TLDC2: variants seen among roughly 807,000 people sequenced by gnomAD.
TLDC2 encodes TLD domain-containing protein 2.
Under a neutral mutation model 27.9 loss-of-function variants are expected in TLDC2, and 23 were observed. That is an observed-to-expected ratio of 0.82 (90% CI 0.59 to 1.17). The LOEUF (loss-of-function observed/expected upper bound fraction) is 1.17, where lower values mean the gene tolerates loss of function less well. Ranked by LOEUF, TLDC2 falls within the 50% of genes most tolerant of loss-of-function variation. The probability of loss-of-function intolerance (pLI) is 0.00; values close to 1 mark genes in which losing one functional copy is unlikely to be tolerated. For synonymous variants in TLDC2, 124 were observed against 107.4 expected, an observed-to-expected ratio of 1.16 and a Z score of -0.96; for missense variants, 286 against 273.4, an observed-to-expected ratio of 1.05 and a Z score of -0.32.
rs370382636 is a variant in TLDC2 at position 36,880,617 on chromosome 20, C to G, written c.343-38C>G. ...ATGAGGGTTGCCAGAGGACCCCTAG[C>G]TCCCTTCCAGCTGCAGACTACAACT... On this transcript the variant is annotated intron_variant, in intron 3 of 6. Transcript: ENST00000217320. 3.2e-6 allele frequency: 5 copies of G among 1,575,150 alleles called. No individual in the cohort carries two copies. In the African/African-American group the frequency reaches 6.7e-5, roughly 21 times the overall value.
At chr20:36,887,428 C>G in intron 4 of TLDC2, 27 bp from the exon 5 acceptor site, 2 of 1,603,362 alleles carry the variant, frequency 1.2e-6, no homozygotes, top group Non-Finnish European at 1.7e-6. Context: ...GCTTAGTAAC[C>G]TGAGCCTTTC....
chr20:36,889,678 C>T (rs189646854), intron 6 of TLDC2: 11 of 267,532 alleles, frequency 4.1e-5, no homozygotes, highest in Admixed American at 1.6e-4. Context: ...ATCTCTTCCC[C>T]GCTAGTGCCT....
At position 36,880,746 on chromosome 20, in the gene TLDC2, T is replaced by C; in HGVS notation, c.434T>C (p.Leu145Pro). The change falls in exon 4 of 7, where the codon CTG becomes CCG. Residue 145 changes from leucine to proline, a missense_variant. By Grantham distance (98) the Leu-to-Pro change is moderately conservative (BLOSUM62 -3). Coordinates refer to ENST00000217320, the MANE Select transcript of TLDC2 (RefSeq NM_080628.3). ...ETFLFSFSPQLKVFKWTGSNS... is the reference protein window; with the variant it reads ...ETFLFSFSPQPKVFKWTGSNS... ...TTCCTCTTCTCCTTCTCCCCACAGC[T>C]GAAGGTGATGTTCCCAACCTTCCAT... 1 of 1,613,946 alleles carries C rather than the reference T, an allele frequency of 6.2e-7. No homozygotes were observed. The highest frequency in any genetic ancestry group is 1.1e-5 in the South Asian group (1 of 91,084).
At chr20:36,877,405 A>G (rs1989696408) in intron 1 of TLDC2, among the ~76,000 whole-genome samples, 2 of 151,058 alleles carry the variant, frequency 1.3e-5, no homozygotes. Flanking sequence ...AAGGAAAAAG[A>G]AAAAAGAAGA....
intron 4 of TLDC2, among the ~76,000 whole-genome samples, chr20:36,882,992 C>G (rs1989846893): frequency 6.6e-6 from 1 of 152,190 alleles, no homozygotes; most frequent in Non-Finnish European, 1.5e-5. Flanking sequence ...CATCTCTTCT[C>G]TAGTGACCCT....
chr20:36,893,133 GAA>G lies in TLDC2; in HGVS notation c.*291_*292del. ...AGTTTCCATCATCTTATTTCTGAGT[GAA>G]AGTCTCAAGTGCGCACATCCTCATC... On this transcript the variant is annotated 3_prime_UTR_variant, in exon 7 of 7. Coordinates refer to ENST00000217320, the MANE Select transcript of TLDC2 (RefSeq NM_080628.3). The G allele has an allele frequency of 1.3e-6, 2 of 1,588,906 alleles. No individual in the cohort carries two copies. The highest frequency in any genetic ancestry group is 2.2e-5 in the South Asian group (2 of 90,658).
intron 4 of TLDC2, among the ~76,000 whole-genome samples, chr20:36,885,253 T>C (rs1324035050): frequency 6.6e-6 from 1 of 152,260 alleles, no homozygotes; most frequent in East Asian, 1.9e-4. Context: ...TTTTGTCTAT[T>C]GTATTCAGCA....
rs768742207 is a variant in TLDC2 at position 36,878,068 on chromosome 20, C to T, written c.189+14C>T. The T allele has an allele frequency of 6.2e-7, 1 of 1,605,490 alleles. No homozygotes were observed. Among genetic ancestry groups the T allele is most frequent in the South Asian group, 1.1e-5 (1 of 89,886 alleles). On this transcript the variant is annotated intron_variant, in intron 2 of 6. Coordinates refer to ENST00000217320, the MANE Select transcript of TLDC2 (RefSeq NM_080628.3). Reference sequence around the variant, plus strand: ...GAGATTCGGCAGGTCTGGGCATTGCCCATGGCACAAGAATTTCAGCCCTAA... The same window carrying T: ...GAGATTCGGCAGGTCTGGGCATTGCTCATGGCACAAGAATTTCAGCCCTAA...
Position 36,886,611 on chromosome 20 carries a change from T to A in TLDC2, c.439-844T>A, listed in dbSNP as rs185342746. 2.3e-3 allele frequency among the ~76,000 whole-genome samples: 353 copies of A among 151,706 alleles called. 2 individuals are homozygous for A. Among genetic ancestry groups the A allele is most frequent in the African/African-American group, 6.8e-3 (280 of 41,374 alleles). ...TGTCTCAAAAGAGAGAGAAAAAAAA[T>A]TTTTTTTAGAGATAGGGGAGGGTCT... On this transcript the variant is annotated intron_variant, in intron 4 of 6. Transcript: ENST00000217320.
At chr20:36,887,738 C>G (rs890171823) in intron 5 of TLDC2, among the ~76,000 whole-genome samples, 1 of 152,192 alleles carries the variant, frequency 6.6e-6, no homozygotes, top group African/African-American at 2.4e-5. Context: ...AGTGCCCCCA[C>G]TGAAGTGTTA....
Position 36,893,326 on chromosome 20 carries a change from C to A in TLDC2, c.*482C>A. 1 of 538,846 alleles carries A rather than the reference C, an allele frequency of 1.9e-6. No individual in the cohort carries two copies. The highest frequency in any genetic ancestry group is 3.3e-6 in the Non-Finnish European group (1 of 300,920). 33.4% of individuals were successfully genotyped at this position (538,846 alleles called of 1,614,324 possible). A position where few individuals can be genotyped will look rare whatever the true frequency, so the allele number is the denominator to read the frequency against. On this transcript the variant is annotated 3_prime_UTR_variant, in exon 7 of 7. Coordinates refer to ENST00000217320, the MANE Select transcript of TLDC2 (RefSeq NM_080628.3). The stretch of plus-strand genomic sequence containing the variant: ...TGACTGGGAGCAGCATACCACTGCC[C>A]ACCTCTATGGCCTCCTTCACACACC...
intron 6 of TLDC2, 56 bp from the exon 7 acceptor site, chr20:36,892,806 G>C: frequency 1.7e-6 from 2 of 1,199,814 alleles, no homozygotes; most frequent in Non-Finnish European, 2.5e-6. Context: ...CTTAGCTTCA[G>C]CATGCGTGTA....
At chr20:36,885,406 C>A (rs1989901123) in intron 4 of TLDC2, among the ~76,000 whole-genome samples, 1 of 152,192 alleles carries the variant, frequency 6.6e-6, no homozygotes, top group Admixed American at 6.5e-5. Flanking sequence ...TTGGTTAATT[C>A]TTGGCTATCT....
At chr20:36,886,610 A>T (rs552972580) in intron 4 of TLDC2, among the ~76,000 whole-genome samples, 13 of 151,738 alleles carry the variant, frequency 8.6e-5, no homozygotes, top group South Asian at 2.1e-4. Context: ...GAGAAAAAAA[A>T]TTTTTTTTAG....
Position 36,894,201 on chromosome 20 carries a change from A to C in TLDC2, c.*1357A>C. 1 of 365,572 alleles carries C rather than the reference A, an allele frequency of 2.7e-6. No homozygotes were observed. Among genetic ancestry groups the C allele is most frequent in the Non-Finnish European group, 4.8e-6 (1 of 206,588 alleles). The allele number at this position is 365,572 out of a possible 1,614,324, so 22.6% of individuals were successfully genotyped here. On this transcript the variant is annotated 3_prime_UTR_variant, in exon 7 of 7. Coordinates refer to ENST00000217320, the MANE Select transcript of TLDC2 (RefSeq NM_080628.3). ...TTTCTGTTGAACTACACTGGATCTG[A>C]CTTGATAGAACTATTAAAAATAGTT...
At chr20:36,891,285 G>T (rs1990068366) in intron 6 of TLDC2, 1 of 152,304 alleles carries the variant, frequency 6.6e-6, no homozygotes, top group South Asian at 2.1e-4. Context: ...CTTCACCCCA[G>T]TGTGGACGGA....
intron 4 of TLDC2, among the ~76,000 whole-genome samples, chr20:36,883,529 G>C (rs1601098770): frequency 6.6e-6 from 1 of 152,102 alleles, no homozygotes; most frequent in Non-Finnish European, 1.5e-5. Context: ...CCCCATCAAA[G>C]TGAATGGCAT....
chr20:36,880,938 C>T (rs1255347107), intron 4 of TLDC2, among the ~76,000 whole-genome samples, 188 bp downstream of exon 4: 4 of 152,234 alleles, frequency 2.6e-5, no homozygotes, highest in Non-Finnish European at 4.4e-5. Flanking sequence ...GCATTTAAAA[C>T]GTATTTGGTG....
chr20:36,878,451 T>C (rs761441261), intron 2 of TLDC2, among the ~76,000 whole-genome samples: 1 of 152,062 alleles, frequency 6.6e-6, no homozygotes, highest in African/African-American at 2.4e-5. Context: ...TGTGGTGGTG[T>C]GCACCTGTAG....
Sources: gnomAD v4.1 joint callset for allele counts (sites outside exome capture counted in the v4.1 genomes callset) on GRCh38, gnomAD v4.1.1 for gene constraint, MANE v1.5 for transcripts, NCBI Gene and HGNC (gene_info 2026-07-23, HGNC 2026-07-21) for gene names.